Variants in ATP10B observed in about 807,000 individuals in gnomAD.
ATP10B encodes the protein phospholipid-transporting ATPase VB.
A neutral mutation model predicts 141.2 loss-of-function variants in ATP10B; 122 were observed. The observed-to-expected ratio is 0.86, with a 90% CI of 0.75 to 1.00. The LOEUF (loss-of-function observed/expected upper bound fraction) is 1.00. ATP10B is among the 50% of genes least tolerant of loss of function. The pLI is 0.00. For synonymous variants in ATP10B, 685 were observed against 692.0 expected (o/e 0.99, Z 0.16); for missense variants, 1,876 against 1,825.3 (o/e 1.03, Z -0.51).
At chr5:160,595,456 A>T (rs1484770689) in intron 22 of ATP10B, among the ~76,000 whole-genome samples, 11 of 152,226 alleles carry the variant, frequency 7.2e-5, no homozygotes, top group Admixed American at 3.9e-4. Context: ...TCTAAAATTG[A>T]CACCCTAACA....
intron 1 of ATP10B, among the ~76,000 whole-genome samples, chr5:160,812,672 G>C (rs1424261565): frequency 6.6e-6 from 1 of 152,122 alleles, no homozygotes; most frequent in Non-Finnish European, 1.5e-5. Context: ...GAATTAGTGA[G>C]CTTGAAGACA....
chr5:160,822,983 C>CATATAT (rs1282919442), intron 1 of ATP10B, among the ~76,000 whole-genome samples: 4 of 89,978 alleles, frequency 4.4e-5, no homozygotes, highest in Non-Finnish European at 8.3e-5. Flanking sequence ...TAAAAAATTA[C>CATATAT]ATATACATAT....
At chr5:160,643,692 C>G (rs530519008) in intron 9 of ATP10B, among the ~76,000 whole-genome samples, 1 of 152,308 alleles carries the variant, frequency 6.6e-6, no homozygotes, top group Admixed American at 6.5e-5. Context: ...ATAGGCAGTG[C>G]TGGATGCTTT....
chr5:160,648,008 C>A (rs1581258623), intron 8 of ATP10B, among the ~76,000 whole-genome samples: 3 of 152,172 alleles, frequency 2.0e-5, no homozygotes, highest in African/African-American at 7.2e-5. Flanking sequence ...CATGGCTGAG[C>A]TCCGCAATGT....
chr5:160,677,817 G>T (rs1024975562), intron 6 of ATP10B, among the ~76,000 whole-genome samples: 10 of 152,206 alleles, frequency 6.6e-5, no homozygotes, highest in African/African-American at 2.4e-4. Context: ...AGATAGCCCT[G>T]GCAAAGCTTA....
intron 13 of ATP10B, among the ~76,000 whole-genome samples, chr5:160,630,831 C>T (rs1198730617): frequency 6.6e-6 from 1 of 152,248 alleles, no homozygotes; most frequent in Middle Eastern, 3.4e-3. Flanking sequence ...TGACAATAAC[C>T]CGAGAGGGAA....
At chr5:160,864,105 TA>T in the ATP10B span, among the ~76,000 whole-genome samples, 1 of 151,876 alleles carries the variant, frequency 6.6e-6, no homozygotes, top group African/African-American at 2.4e-5. Flanking sequence ...AGTATCACCC[TA>T]ATGCCAAAAC....
chr5:160,795,089 A>G (rs903180129), intron 1 of ATP10B, among the ~76,000 whole-genome samples: 1 of 152,236 alleles, frequency 6.6e-6, no homozygotes, highest in Non-Finnish European at 1.5e-5. Flanking sequence ...TTGGAGGTCC[A>G]TGATAAATGG....
At chr5:160,673,533 G>GTTTTTT (rs34256429) in intron 6 of ATP10B, among the ~76,000 whole-genome samples, 2 of 150,108 alleles carry the variant, frequency 1.3e-5, no homozygotes, top group Non-Finnish European at 3.0e-5. Context: ...ATTTTGTTTT[G>GTTTTTT]TTTTTTTTTT....
At chr5:160,697,352 G>C (rs182232258) in intron 3 of ATP10B, among the ~76,000 whole-genome samples, 1 of 152,278 alleles carries the variant, frequency 6.6e-6, no homozygotes, top group African/African-American at 2.4e-5. Flanking sequence ...GGATAGGCTA[G>C]AAGACTTGGG....
At position 160,565,682 on chromosome 5, in the gene ATP10B, T is replaced by C; in HGVS notation, c.4157A>G (p.Asn1386Ser). 1.2e-6 allele frequency: 2 copies of C among 1,614,026 alleles called. No individual in the cohort carries two copies. Among genetic ancestry groups the C allele is most frequent in the Non-Finnish European group, 1.7e-6 (2 of 1,179,968 alleles). ...DFSASTPKSSNPPKRKHVEES... is the reference protein window; with the variant it reads ...DFSASTPKSSSPPKRKHVEES... Reference sequence around the variant, plus strand: ...TTCCACATGCTTCCTCTTGGGAGGGTTAGAGCTCTTTGGGGTGCTGGCACT... The same window carrying C: ...TTCCACATGCTTCCTCTTGGGAGGGCTAGAGCTCTTTGGGGTGCTGGCACT... The change falls in exon 26 of 26, where the codon AAC (asparagine) becomes AGC (serine). Residue 1386 changes from asparagine to serine, a missense_variant. By Grantham distance (46) the Asn-to-Ser change is conservative. Transcript: ENST00000327245.
At chr5:160,680,530 T>C (rs1352519832) in intron 6 of ATP10B, among the ~76,000 whole-genome samples, 1 of 152,218 alleles carries the variant, frequency 6.6e-6, no homozygotes, top group Non-Finnish European at 1.5e-5. Flanking sequence ...CCAAGATGTG[T>C]ATATTCCTGC....
chr5:160,662,535 A>T (rs1191551483), intron 7 of ATP10B, among the ~76,000 whole-genome samples: 1 of 152,246 alleles, frequency 6.6e-6, no homozygotes, highest in Non-Finnish European at 1.5e-5. Context: ...GAGAAAAACA[A>T]GCAATGGGGA....
intron 1 of ATP10B, among the ~76,000 whole-genome samples, chr5:160,820,559 G>C (rs1447075590): frequency 6.6e-6 from 1 of 152,082 alleles, no homozygotes; most frequent in Admixed American, 6.6e-5. Flanking sequence ...GTATTACTCT[G>C]ATACCAAAAC....
At position 160,737,354 on chromosome 5, in the gene ATP10B, T is replaced by G. The variant is rs1184534837; in HGVS notation, c.-330-20320A>C. Among the ~76,000 whole-genome samples the G allele has an allele frequency of 3.9e-5, 6 of 152,322 alleles. No homozygotes were observed. In the East Asian group the frequency reaches 1.2e-3, roughly 29 times the overall value. ...TCCAAGATCTGGAACATGACAAGGA[T>G]GCTCACTTTCAAGACTGTTATTCAA... is the stretch of plus-strand genomic sequence containing the variant. On this transcript the variant is annotated intron_variant, in intron 2 of 25. Transcript: ENST00000327245.
At chr5:160,640,942 C>G (rs1302497350) in intron 9 of ATP10B, among the ~76,000 whole-genome samples, 2 of 152,148 alleles carry the variant, frequency 1.3e-5, no homozygotes, top group African/African-American at 2.4e-5. Context: ...TGATAGTAAG[C>G]TGTCTTAAAG....
intron 1 of ATP10B, among the ~76,000 whole-genome samples, chr5:160,822,359 T>G (rs1407419273): frequency 2.0e-5 from 3 of 151,936 alleles, no homozygotes; most frequent in African/African-American, 7.2e-5. Flanking sequence ...AAAGCCAAAA[T>G]AAGAAATGCT....
At chr5:160,797,692 G>A (rs75090047) in intron 1 of ATP10B, among the ~76,000 whole-genome samples, 1,618 of 152,304 alleles carry the variant, frequency 0.011, 27 homozygotes, top group African/African-American at 0.037. Context: ...TAGTGGAACT[G>A]CTGGTGTTCA....
chr5:160,910,958 T>C, the ATP10B span, among the ~76,000 whole-genome samples: 2 of 152,208 alleles, frequency 1.3e-5, no homozygotes, highest in African/African-American at 2.4e-5. Flanking sequence ...TTAGTTCCCA[T>C]GAGAGAACTA....
Sources: allele counts gnomAD v4.1 joint callset (sites outside exome capture counted in the v4.1 genomes callset), GRCh38; gene constraint gnomAD v4.1.1; transcripts MANE v1.5; gene names NCBI Gene and HGNC (gene_info 2026-07-23, HGNC 2026-07-21).